TMEM30A: variants seen among roughly 807,000 people sequenced by gnomAD.
TMEM30A encodes the protein cell cycle control protein 50A.
TMEM30A carries 24 observed loss-of-function variants against 38.2 expected under a neutral mutation model. The observed-to-expected ratio is 0.63, with a 90% CI of 0.46 to 0.88. The LOEUF is 0.88. TMEM30A is among the 40% of genes least tolerant of loss of function. The pLI, the probability that TMEM30A is intolerant of heterozygous loss-of-function variation, is 0.00. For missense variants in TMEM30A, 370 were observed against 458.6 expected (o/e 0.81, Z 1.77); for synonymous variants, 145 against 161.6 (o/e 0.90, Z 0.78).
intron 1 of TMEM30A, among the ~76,000 whole-genome samples, chr6:75,269,575 T>C (rs564012267): frequency 2.0e-5 from 3 of 152,396 alleles, no homozygotes; most frequent in African/African-American, 7.2e-5. Flanking sequence ...TTCCAAGTTA[T>C]TGAAATTATG....
Position 75,282,262 on chromosome 6 carries a change from C to A in TMEM30A, c.237+2140G>T, listed in dbSNP as rs188649569. ...CCTTAATTCCCTGACTCTTCAGTGC[C>A]CTTTTAACCAGGCTAAGCTGCAGCA... On this transcript the variant is annotated intron_variant, in intron 1 of 6. Coordinates refer to ENST00000230461, the MANE Select transcript of TMEM30A (RefSeq NM_018247.4). Among the ~76,000 whole-genome samples, 4 of 152,244 alleles carry A rather than the reference C, an allele frequency of 2.6e-5. No homozygotes were observed. In the East Asian group the frequency reaches 7.7e-4, roughly 29 times the overall value.
intron 1 of TMEM30A, among the ~76,000 whole-genome samples, chr6:75,269,697 GC>G (rs1191296129): frequency 6.6e-6 from 1 of 151,974 alleles, no homozygotes; most frequent in African/African-American, 2.4e-5. Context: ...GAGTATGTTT[GC>G]TTTTTCTTTT....
intron 3 of TMEM30A, 54 bp downstream of exon 3, chr6:75,265,177 C>A: frequency 5.4e-6 from 6 of 1,102,578 alleles, no homozygotes; most frequent in Non-Finnish European, 4.0e-6. Flanking sequence ...TGAACAGTTA[C>A]TACATATTCT....
chr6:75,258,957 G>A lies in TMEM30A; in HGVS notation c.715C>T (p.Pro239Ser). The A allele has an allele frequency of 9.9e-6, 16 of 1,613,620 alleles. No individual in the cohort carries two copies. Among genetic ancestry groups the A allele is most frequent in the Non-Finnish European group, 1.4e-5 (16 of 1,179,910 alleles). The change falls in exon 6 of 7, where the codon CCA (proline) becomes TCA (serine). Residue 239 changes from proline to serine, a missense_variant. Physicochemically the swap from Pro to Ser is moderately conservative, Grantham distance 74. Coordinates refer to ENST00000230461, the MANE Select transcript of TMEM30A (RefSeq NM_018247.4). Reference protein sequence around the residue: ...GTTKPVNWLKPVYMLDSDPDN... With the variant: ...GTTKPVNWLKSVYMLDSDPDN... The stretch of plus-strand genomic sequence containing the variant: ...GGGTCAGAATCCAGCATGTAAACTG[G>A]TTTAAGCCAGTTCACAGGCTTTGTT...
intron 1 of TMEM30A, among the ~76,000 whole-genome samples, chr6:75,269,903 T>C (rs1332016319): frequency 2.0e-5 from 3 of 152,032 alleles, no homozygotes; most frequent in African/African-American, 7.2e-5. Flanking sequence ...CCATGTTGGC[T>C]AGGATGGTGT....
At position 75,260,857 on chromosome 6, in the gene TMEM30A, G is replaced by C; in HGVS notation, c.508C>G (p.Pro170Ala). 6.2e-7 allele frequency: 1 copy of C among 1,600,766 alleles called. No individual in the cohort carries two copies. The highest frequency in any genetic ancestry group is 8.5e-7 in the Non-Finnish European group (1 of 1,176,750). ...ATGCTGTTGGCAATAGCTCCACAAGGAGCAATTGGTTTGTCTTCATTTCTT... is the reference window on the plus strand; with the variant it reads ...ATGCTGTTGGCAATAGCTCCACAAGCAGCAATTGGTTTGTCTTCATTTCTT... ...YRRNEDKPIA[P>A]CGAIANSMFN... Residue 170 changes from proline to alanine, a missense_variant, in exon 4 of 7, where the codon CCT (proline) becomes GCT (alanine). Transcript: ENST00000230461.
At position 75,252,928 on chromosome 6, in the gene TMEM30A, T is replaced by G. The variant is rs1582270646; in HGVS notation, c.*3174A>C. On this transcript the variant is annotated 3_prime_UTR_variant, in exon 7 of 7. Coordinates refer to ENST00000230461, the MANE Select transcript of TMEM30A (RefSeq NM_018247.4). Reference sequence around the variant, plus strand: ...AATAAGGCCACCACGGTCTGATTTGTTTTTAGACAAGATATTTATTTTGAA... The same window carrying G: ...AATAAGGCCACCACGGTCTGATTTGGTTTTAGACAAGATATTTATTTTGAA... The G allele has an allele frequency of 6.6e-6, 1 of 152,184 alleles. No individual in the cohort carries two copies. Among genetic ancestry groups the G allele is most frequent in the East Asian group, 1.9e-4 (1 of 5,194 alleles). The allele number at this position is 152,184 out of a possible 1,614,324, so 9.4% of individuals were successfully genotyped here.
At position 75,256,252 on chromosome 6, in the gene TMEM30A, C is replaced by T. The variant is rs755192362; in HGVS notation, c.936G>A (p.Leu312=). 3.7e-6 allele frequency: 6 copies of T among 1,613,472 alleles called. No homozygotes were observed. The East Asian group carries it at 1.1e-4, about 30-fold the overall frequency. ...HYFDGRKRMI[L]STISWMGGKN... is the part of the protein sequence containing the mutation. The stretch of plus-strand genomic sequence containing the variant: ...TTCCTCCCATCCATGAAATAGTGCT[C>T]AAGATCATCCGTTTTCGTCCATCAA... Residue 312 remains leucine, a synonymous_variant, in exon 7 of 7, where the codon TTG becomes TTA. Coordinates refer to ENST00000230461, the MANE Select transcript of TMEM30A (RefSeq NM_018247.4).
intron 2 of TMEM30A, 69 bp from the exon 3 acceptor site, chr6:75,265,407 A>C: frequency 2.3e-6 from 2 of 874,876 alleles, no homozygotes; most frequent in East Asian, 3.1e-5. Flanking sequence ...TCATGTGTAC[A>C]TAAAAGCTAC....
intron 1 of TMEM30A, chr6:75,272,500 TATCA>T (rs766503876): frequency 1.3e-5 from 2 of 152,252 alleles, no homozygotes; most frequent in African/African-American, 2.4e-5. Flanking sequence ...GCAAATCGGG[TATCA>T]GTTTAAAACT....
In TMEM30A at chr6:75,253,179, C is replaced by T. The variant is rs1320945251; in HGVS notation, c.*2923G>A. 8 of 151,988 alleles carry T rather than the reference C, an allele frequency of 5.3e-5. No homozygotes were observed. Among genetic ancestry groups the T allele is most frequent in the Admixed American group, 2.6e-4 (4 of 15,232 alleles). The allele number at this position is 151,988 out of a possible 1,614,324, so 9.4% of individuals were successfully genotyped here. ...ACAGCTTAACCAACAAAAAATGTGT[C>T]ATACAATAATTCTAAGGCAATGGTT... is the stretch of plus-strand genomic sequence containing the variant. On this transcript the variant is annotated 3_prime_UTR_variant, in exon 7 of 7. Transcript: ENST00000230461.
chr6:75,266,362 G>A (rs971688961), intron 2 of TMEM30A, among the ~76,000 whole-genome samples: 1 of 152,152 alleles, frequency 6.6e-6, no homozygotes, highest in Admixed American at 6.5e-5. Flanking sequence ...TTGTGGAAGA[G>A]AGGGAATATC....
intron 3 of TMEM30A, among the ~76,000 whole-genome samples, chr6:75,264,115 C>A (rs1388034825): frequency 6.6e-6 from 1 of 152,132 alleles, no homozygotes; most frequent in African/African-American, 2.4e-5. Flanking sequence ...CCTGTGTATA[C>A]CAAGGAATCT....
chr6:75,284,721 C>T lies in TMEM30A; in HGVS notation c.-83G>A. On this transcript the variant is annotated 5_prime_UTR_variant, in exon 1 of 7. Transcript: ENST00000230461. ...CTGACCCTGACAGGAACCGCTCGAG[C>T]GCCGCTGCCGCCGCCGCCGCCGCAG... 7.2e-7 allele frequency: 1 copy of T among 1,380,274 alleles called. No homozygotes were observed. The highest frequency in any genetic ancestry group is 1.0e-6 in the Non-Finnish European group (1 of 984,072). The allele number at this position is 1,380,274 out of a possible 1,614,324, so 85.5% of individuals were successfully genotyped here.
intron 1 of TMEM30A, among the ~76,000 whole-genome samples, chr6:75,269,983 G>A (rs974242767): frequency 8.5e-5 from 13 of 152,144 alleles, no homozygotes; most frequent in Non-Finnish European, 1.0e-4. Context: ...ATGAGCCACC[G>A]CGCCCGGCCC....
intron 1 of TMEM30A, among the ~76,000 whole-genome samples, chr6:75,271,749 A>T (rs895363289): frequency 1.3e-5 from 2 of 152,246 alleles, no homozygotes; most frequent in Non-Finnish European, 2.9e-5. Flanking sequence ...TCCAAGCCTC[A>T]TGTTTCTTCT....
rs921579148 is a variant in TMEM30A, at chr6:75,274,824, C to A, written c.238-7076G>T. Among the ~76,000 whole-genome samples, 18 of 151,920 alleles carry A rather than the reference C, an allele frequency of 1.2e-4. 1 individual carries two copies. Among genetic ancestry groups the A allele is most frequent in the African/African-American group, 2.9e-4 (12 of 41,372 alleles). ...GGATCATGAGGTCAGGAGATCGAGA[C>A]CACGGTGAAACCCCGTCTCTACTAA... On this transcript the variant is annotated intron_variant, in intron 1 of 6. Transcript: ENST00000230461.
intron 3 of TMEM30A, among the ~76,000 whole-genome samples, chr6:75,264,995 G>C (rs911306679): frequency 6.6e-6 from 1 of 151,966 alleles, no homozygotes; most frequent in Non-Finnish European, 1.5e-5. Flanking sequence ...AGCTACTCGG[G>C]AGACTGAGGC....
At position 75,254,107 on chromosome 6, in the gene TMEM30A, T is replaced by G. The variant is rs1315279117; in HGVS notation, c.*1995A>C. On this transcript the variant is annotated 3_prime_UTR_variant, in exon 7 of 7. Transcript: ENST00000230461. ...TCAAACAGCAGAAAACAGGAGGAAC[T>G]TAGGCCATCAATGGACTTGTAAAAC... 1.3e-5 allele frequency: 2 copies of G among 152,120 alleles called. No individual in the cohort carries two copies. The highest frequency in any genetic ancestry group is 2.9e-5 in the Non-Finnish European group (2 of 67,992). 9.4% of individuals were successfully genotyped at this position (152,120 alleles called of 1,614,324 possible).
Sources: allele counts gnomAD v4.1 joint callset (sites outside exome capture counted in the v4.1 genomes callset), GRCh38; gene constraint gnomAD v4.1.1; transcripts MANE v1.5; gene names NCBI Gene and HGNC (gene_info 2026-07-23, HGNC 2026-07-21).